The following TBCK variants were observed in gnomAD, a reference collection of about 807,000 sequenced individuals.
TBCK encodes the protein TBC domain-containing protein kinase-like protein.
A neutral mutation model predicts 113.4 loss-of-function variants in TBCK; 99 were observed. The observed-to-expected ratio is 0.87, with a 90% confidence interval of 0.74 to 1.03. The LOEUF (loss-of-function observed/expected upper bound fraction) is 1.03. TBCK is among the 50% of genes least tolerant of loss of function. The pLI is 0.00. For missense variants in TBCK, 1,045 were observed against 1,061.3 expected (o/e 0.98, Z 0.21); for synonymous variants, 369 against 370.8 (o/e 1.00, Z 0.05).
Position 106,250,886 on chromosome 4 carries a change from G to C in TBCK, c.598-408C>G, listed in dbSNP as rs150428651. Among the ~76,000 whole-genome samples, 356 of 151,674 alleles carry C rather than the reference G, an allele frequency of 2.3e-3. 1 individual carries two copies. Among genetic ancestry groups the C allele is most frequent in the African/African-American group, 8.2e-3 (338 of 41,376 alleles). ...AATTCTTACTTAAATATCATGATTC[G>C]GTTAGTCTGTTTCTCCATTAAAAAA... On this transcript the variant is annotated intron_variant, in intron 6 of 25. Transcript: ENST00000394708.
intron 25 of TBCK, among the ~76,000 whole-genome samples, chr4:106,061,981 C>CA (rs1292686741): frequency 6.6e-6 from 1 of 151,586 alleles, no homozygotes; most frequent in East Asian, 1.9e-4. Flanking sequence ...TATTGTGTCT[C>CA]AAAAAATGGC....
chr4:106,146,203 AATACATATACAT>A (rs536379474), intron 23 of TBCK, among the ~76,000 whole-genome samples: 63 of 152,230 alleles, frequency 4.1e-4, no homozygotes, highest in Admixed American at 1.4e-3. Flanking sequence ...ATATACATGT[AATACATATACAT>A]ATACATATAC....
intron 24 of TBCK, among the ~76,000 whole-genome samples, chr4:106,109,018 TACACACACACACACAC>T (rs112164356): frequency 7.1e-6 from 1 of 140,520 alleles, no homozygotes; most frequent in African/African-American, 2.6e-5. Flanking sequence ...GACACACACA[TACACACACACACACAC>T]ACACACACAC....
At chr4:106,245,750 C>G (rs1313972623) in intron 10 of TBCK, among the ~76,000 whole-genome samples, 2 of 152,002 alleles carry the variant, frequency 1.3e-5, no homozygotes, top group African/African-American at 4.8e-5. Flanking sequence ...CAGGAGGGGC[C>G]TATGCTTATC....
intron 22 of TBCK, among the ~76,000 whole-genome samples, chr4:106,183,339 C>T (rs1752622149): frequency 6.6e-6 from 1 of 151,930 alleles, no homozygotes. Context: ...CATTCCTCTA[C>T]CTATTTTACC....
intron 25 of TBCK, among the ~76,000 whole-genome samples, chr4:106,050,453 T>C (rs11936375): frequency 0.041 from 6,267 of 152,056 alleles, 438 homozygotes; most frequent in African/African-American, 0.14. Context: ...CAACTCAACT[T>C]TCAGATTTTT....
rs770191462 is a variant in TBCK, at chr4:106,046,210, C to T, written c.*360G>A. ...AGTGTATGTTTCTAAATAACACAATCGACAGGACTGTCTGTTCAGTACAAT... is the reference window on the plus strand; with the variant it reads ...AGTGTATGTTTCTAAATAACACAATTGACAGGACTGTCTGTTCAGTACAAT... On this transcript the variant is annotated 3_prime_UTR_variant, in exon 26 of 26. Transcript: ENST00000394708. 1.1e-4 allele frequency: 18 copies of T among 162,574 alleles called. No homozygotes were observed. The highest frequency in any genetic ancestry group is 2.3e-4 in the Non-Finnish European group (17 of 75,202). The allele number at this position is 162,574 out of a possible 1,614,324, so 10.1% of individuals were successfully genotyped here. A position where few individuals can be genotyped will look rare whatever the true frequency, so the allele number is the denominator to read the frequency against.
At position 106,193,630 on chromosome 4, in the gene TBCK, G is replaced by A. The variant is rs751033963; in HGVS notation, c.2038C>T (p.Leu680Phe). ...ATACCTGGTAAATCGGAGAAGAGAA[G>A]AATACACTCATTAAAGCCATTAGCC... ...LLANGFNECILLFSDLPEIDI... is the reference protein window; with the variant it reads ...LLANGFNECIFLFSDLPEIDI... Residue 680 changes from leucine (L) to phenylalanine (F), a missense_variant, in exon 22 of 26, where the codon CTT becomes TTT. Coordinates refer to ENST00000394708, the MANE Select transcript of TBCK (RefSeq NM_001163435.3). 6 of 1,613,312 alleles carry A rather than the reference G, an allele frequency of 3.7e-6. No homozygotes were observed. The Admixed American group carries it at 1.0e-4, about 27-fold the overall frequency.
intron 25 of TBCK, among the ~76,000 whole-genome samples, chr4:106,079,082 G>A (rs991053388): frequency 2.0e-5 from 3 of 152,098 alleles, no homozygotes; most frequent in South Asian, 2.1e-4. Flanking sequence ...ATATGTGAAA[G>A]TCTCAATAAA....
At position 106,116,361 on chromosome 4, in the gene TBCK, T is replaced by C. The variant is rs1384565185; in HGVS notation, c.2253A>G (p.Pro751=). Residue 751 remains proline (P), a synonymous_variant, in exon 24 of 26, where the codon CCA becomes CCG. Coordinates refer to ENST00000394708, the MANE Select transcript of TBCK (RefSeq NM_001163435.3). ...PKTDLSRESI[P]LNDLKSEVSP... ...ATACTTCTGACTTCAGGTCATTTAATGGGATGGATTCTCTTGACTGAAAAA... is the reference window on the plus strand; with the variant it reads ...ATACTTCTGACTTCAGGTCATTTAACGGGATGGATTCTCTTGACTGAAAAA... 2 of 1,612,120 alleles carry C rather than the reference T, an allele frequency of 1.2e-6. No homozygotes were observed. Among genetic ancestry groups the C allele is most frequent in the South Asian group, 1.1e-5 (1 of 90,558 alleles).
chr4:106,133,080 G>T (rs1037456954), intron 23 of TBCK, among the ~76,000 whole-genome samples: 10 of 152,156 alleles, frequency 6.6e-5, no homozygotes, highest in Non-Finnish European at 1.5e-4. Flanking sequence ...AGGCATGATT[G>T]GTTTTGAAAT....
At chr4:106,106,028 C>G (rs767475585) in intron 24 of TBCK, among the ~76,000 whole-genome samples, 2 of 151,616 alleles carry the variant, frequency 1.3e-5, no homozygotes, top group Non-Finnish European at 2.9e-5. Flanking sequence ...TAAACCAAGC[C>G]GATGAAAGAA....
At chr4:106,227,563 G>A (rs7340989) in intron 19 of TBCK, among the ~76,000 whole-genome samples, 52,086 of 151,512 alleles carry the variant, frequency 0.34, 9,338 homozygotes, top group African/African-American at 0.44. Context: ...AATTTTTGAT[G>A]AATCAGATAC....
At chr4:106,069,850 G>A (rs142472367) in intron 25 of TBCK, among the ~76,000 whole-genome samples, 4,171 of 152,156 alleles carry the variant, frequency 0.027, 185 homozygotes, top group African/African-American at 0.096. Flanking sequence ...TCCTTGAAGA[G>A]GTCCTTCACA....
rs535528963 is a variant in TBCK, at chr4:106,198,451, C to T, written c.1861-3697G>A. Among the ~76,000 whole-genome samples the T allele has an allele frequency of 2.0e-5, 3 of 152,206 alleles. No individual in the cohort carries two copies. The South Asian group carries it at 6.2e-4, about 32-fold the overall frequency. ...AGGCAGATTTACTATGATCTGAACA[C>T]ACTACTTTCCTAACGATGCACTTTG... On this transcript the variant is annotated intron_variant, in intron 20 of 25. Coordinates refer to ENST00000394708, the MANE Select transcript of TBCK (RefSeq NM_001163435.3).
intron 2 of TBCK, among the ~76,000 whole-genome samples, chr4:106,297,384 A>G (rs1057437309): frequency 6.6e-6 from 1 of 152,182 alleles, no homozygotes; most frequent in Non-Finnish European, 1.5e-5. Flanking sequence ...ACTAAACAGT[A>G]ATCTCCCCTT....
intron 25 of TBCK, among the ~76,000 whole-genome samples, chr4:106,060,105 CT>C (rs1735871515): frequency 6.6e-6 from 1 of 151,780 alleles, no homozygotes; most frequent in African/African-American, 2.4e-5. Flanking sequence ...AAGAAGCTGT[CT>C]CCATAACTAA....
At chr4:106,060,348 G>A (rs1311575906) in intron 25 of TBCK, among the ~76,000 whole-genome samples, 1 of 151,762 alleles carries the variant, frequency 6.6e-6, no homozygotes, top group African/African-American at 2.4e-5. Context: ...TGTAGATGGT[G>A]ACTTTCAGTT....
chr4:106,201,245 A>G (rs1754857266), intron 20 of TBCK, among the ~76,000 whole-genome samples: 1 of 151,964 alleles, frequency 6.6e-6, no homozygotes. Flanking sequence ...AGTAATGTCT[A>G]TTATTTTTTC....
Sources: allele counts gnomAD v4.1 joint callset (sites outside exome capture counted in the v4.1 genomes callset), GRCh38; gene constraint gnomAD v4.1.1; transcripts MANE v1.5; gene names NCBI Gene and HGNC (gene_info 2026-07-23, HGNC 2026-07-21).